MRTFA: variants seen among roughly 807,000 people sequenced by gnomAD.
The protein encoded by MRTFA is myocardin-related transcription factor A.
MRTFA carries 20 observed loss-of-function variants against 83.5 expected under a neutral mutation model. That is an observed-to-expected ratio of 0.24 (90% confidence interval 0.17 to 0.35). The LOEUF (loss-of-function observed/expected upper bound fraction) is 0.35. Ranked by LOEUF, MRTFA falls within the 10% of genes least tolerant of loss-of-function variation. The probability of loss-of-function intolerance (pLI) is 1.00; values close to 1 mark genes in which losing one functional copy is unlikely to be tolerated. For missense variants in MRTFA, 1,200 were observed against 1,224.7 expected, an observed-to-expected ratio of 0.98 and a Z score of 0.30; for synonymous variants, 659 against 541.2, an observed-to-expected ratio of 1.22 and a Z score of -3.02.
chr22:40,466,449 A>C (rs1251603649), intron 3 of MRTFA, among the ~76,000 whole-genome samples: 1 of 152,186 alleles, frequency 6.6e-6, no homozygotes, highest in Non-Finnish European at 1.5e-5. Context: ...ATTCGTACCC[A>C]CATTTCTGTG....
chr22:40,633,106 CTT>C (rs904813724), intron 1 of MRTFA, among the ~76,000 whole-genome samples: 2 of 152,214 alleles, frequency 1.3e-5, no homozygotes, highest in African/African-American at 2.4e-5. Flanking sequence ...AATGTTTTCT[CTT>C]TTCTCTTTCA....
chr22:40,459,421 G>A (rs906818946), intron 4 of MRTFA, among the ~76,000 whole-genome samples: 2 of 151,886 alleles, frequency 1.3e-5, no homozygotes, highest in African/African-American at 4.8e-5. Context: ...CTGATAACAA[G>A]ACTATGTCCA....
chr22:40,540,449 T>TC (rs1396430010), intron 3 of MRTFA, among the ~76,000 whole-genome samples: 6 of 152,006 alleles, frequency 3.9e-5, no homozygotes, highest in Non-Finnish European at 7.4e-5. Context: ...TCCTTTAGGC[T>TC]CCCCCAGCAC....
intron 1 of MRTFA, among the ~76,000 whole-genome samples, chr22:40,636,085 G>A (rs1264552476): frequency 6.6e-6 from 1 of 152,228 alleles, no homozygotes; most frequent in African/African-American, 2.4e-5. Context: ...CCCAAGGACT[G>A]CACTTGGATC....
chr22:40,624,729 T>C (rs2056561999), intron 1 of MRTFA, among the ~76,000 whole-genome samples: 1 of 152,236 alleles, frequency 6.6e-6, no homozygotes, highest in African/African-American at 2.4e-5. Flanking sequence ...AAGGTTACAC[T>C]ATAATTAACT....
At chr22:40,608,077 T>C (rs1273159980) in intron 1 of MRTFA, among the ~76,000 whole-genome samples, 2 of 152,158 alleles carry the variant, frequency 1.3e-5, no homozygotes, top group Non-Finnish European at 2.9e-5. Context: ...CAGGCTGGAG[T>C]GCAGTGGCAC....
chr22:40,441,188 T>C (rs1293582867), intron 4 of MRTFA, among the ~76,000 whole-genome samples: 1 of 152,184 alleles, frequency 6.6e-6, no homozygotes, highest in Non-Finnish European at 1.5e-5. Flanking sequence ...TTGGAGCTCT[T>C]GTGTGGCTTT....
intron 2 of MRTFA, among the ~76,000 whole-genome samples, chr22:40,582,665 T>C (rs896570133): frequency 1.0e-4 from 15 of 143,106 alleles, no homozygotes; most frequent in African/African-American, 2.3e-4. Flanking sequence ...TATACACACA[T>C]ACACACACAC....
intron 3 of MRTFA, among the ~76,000 whole-genome samples, chr22:40,508,499 C>T (rs1280876170): frequency 9.3e-6 from 1 of 107,780 alleles, no homozygotes; most frequent in East Asian, 2.9e-4. Flanking sequence ...GCAACAGAGA[C>T]AGACTCCGTC....
Position 40,636,706 on chromosome 22 carries a change from G to C in MRTFA, c.-312C>G, listed in dbSNP as rs543917014. The stretch of plus-strand genomic sequence containing the variant: ...CCGCCGCCGGCTCCTCTCAGCCACG[G>C]AAGCTGCGGGCCCGCCCACCACGCC... On this transcript the variant is annotated 5_prime_UTR_variant, in exon 1 of 15. Transcript: ENST00000355630. 1 of 152,602 alleles carries C rather than the reference G, an allele frequency of 6.6e-6. No homozygotes were observed. Among genetic ancestry groups the C allele is most frequent in the African/African-American group, 2.4e-5 (1 of 41,588 alleles). The allele number at this position is 152,602 out of a possible 1,614,324, so 9.5% of individuals were successfully genotyped here.
intron 11 of MRTFA, among the ~76,000 whole-genome samples, chr22:40,419,636 G>C (rs2052783039): frequency 6.6e-6 from 1 of 152,208 alleles, no homozygotes; most frequent in African/African-American, 2.4e-5. Context: ...GGTACATGGT[G>C]CCCACAGCTG....
At chr22:40,450,051 G>A (rs1001231311) in intron 4 of MRTFA, among the ~76,000 whole-genome samples, 3 of 152,220 alleles carry the variant, frequency 2.0e-5, no homozygotes, top group African/African-American at 7.2e-5. Flanking sequence ...GAGGTTGGCT[G>A]TGTCACTGGT....
chr22:40,461,022 G>T (rs189514340), intron 4 of MRTFA, among the ~76,000 whole-genome samples: 2 of 151,514 alleles, frequency 1.3e-5, no homozygotes, highest in Non-Finnish European at 2.9e-5. Context: ...AACATAGGTA[G>T]ACTCCATCTC....
intron 7 of MRTFA, among the ~76,000 whole-genome samples, chr22:40,424,788 A>G (rs2052918632): frequency 2.0e-5 from 3 of 152,034 alleles, no homozygotes; most frequent in South Asian, 2.1e-4. Context: ...TTCATCCCAC[A>G]CTGCACAAAA....
intron 3 of MRTFA, among the ~76,000 whole-genome samples, chr22:40,527,832 T>A (rs546753913): frequency 2.6e-5 from 4 of 151,920 alleles, no homozygotes; most frequent in African/African-American, 9.7e-5. Context: ...ATGAGTCTCG[T>A]CTTTATTTAA....
chr22:40,579,387 CATTT>C (rs1050938248), intron 2 of MRTFA, among the ~76,000 whole-genome samples: 64 of 152,268 alleles, frequency 4.2e-4, no homozygotes, highest in African/African-American at 1.4e-3. Context: ...ACACAGTAAA[CATTT>C]ATTAAAAATA....
intron 4 of MRTFA, among the ~76,000 whole-genome samples, chr22:40,456,769 G>A (rs962647787): frequency 4.6e-5 from 7 of 151,878 alleles, no homozygotes; most frequent in African/African-American, 1.5e-4. Flanking sequence ...TTACTGTATC[G>A]GCTCAGCCTA....
chr22:40,519,661 T>C, intron 3 of MRTFA: 1 of 1,212,944 alleles, frequency 8.2e-7, no homozygotes, highest in Non-Finnish European at 1.1e-6. Context: ...GAATGTTCCA[T>C]AAACTTAAAA....
intron 1 of MRTFA, among the ~76,000 whole-genome samples, chr22:40,619,889 CAAAAAAA>C (rs1213944103): frequency 1.9e-5 from 1 of 52,442 alleles, no homozygotes; most frequent in African/African-American, 7.6e-5. Flanking sequence ...AACTCCGTCT[CAAAAAAA>C]AAAAAAAAAA....
Sources: allele counts gnomAD v4.1 joint callset (sites outside exome capture counted in the v4.1 genomes callset), GRCh38; gene constraint gnomAD v4.1.1; transcripts MANE v1.5; gene names NCBI Gene and HGNC (gene_info 2026-07-23, HGNC 2026-07-21).